Variants in ATP2C2 observed in about 807,000 individuals in gnomAD.
ATP2C2 encodes the protein calcium-transporting ATPase type 2C member 2.
ATP2C2 carries 171 observed loss-of-function variants against 110.8 expected under a neutral mutation model. The observed-to-expected ratio is 1.54, with a 90% CI of 1.36 to 1.75. The LOEUF is 1.75. Ranked by LOEUF, ATP2C2 falls within the 40% of genes most tolerant of loss-of-function variation. ATP2C2 has a pLI of 0.00. For synonymous variants in ATP2C2, 804 were observed against 508.4 expected (o/e 1.58, Z -7.82); for missense variants, 1,963 against 1,235.0 (o/e 1.59, Z -8.84).
rs910629607 is a variant in ATP2C2 at position 84,398,518 on chromosome 16, T to G, written c.119T>G (p.Leu40Arg). The change falls in exon 2 of 27, where the codon CTG (leucine) becomes CGG (arginine). Residue 40 changes from leucine (L) to arginine (R), a missense_variant. Coordinates refer to ENST00000262429, the MANE Select transcript of ATP2C2 (RefSeq NM_014861.4). ...TCACAGATTGATGAACAGAGTGAGC[T>G]GAAAGCCATCGAGAAAGAGAAGAAG... ...EEALIDEQSELKAIEKEKKVT... is the reference protein window; with the variant it reads ...EEALIDEQSERKAIEKEKKVT... 7 of 1,612,774 alleles carry G rather than the reference T, an allele frequency of 4.3e-6. No homozygotes were observed. Among genetic ancestry groups the G allele is most frequent in the African/African-American group, 2.7e-5 (2 of 74,768 alleles).
intron 6 of ATP2C2, among the ~76,000 whole-genome samples, chr16:84,412,534 CTGTGTGTGTATGCGTGTG>C (rs1273998127): frequency 2.4e-5 from 3 of 126,686 alleles, no homozygotes; most frequent in Non-Finnish European, 4.9e-5. Context: ...GTGCATGTGT[CTGTGTGTGTATGCGTGTG>C]TGTGTGTGTG....
chr16:84,410,096 C>G (rs906714350), intron 4 of ATP2C2, among the ~76,000 whole-genome samples: 1 of 152,060 alleles, frequency 6.6e-6, no homozygotes, highest in Non-Finnish European at 1.5e-5. Flanking sequence ...GTGGTCCCAG[C>G]TACTTGGGAG....
At chr16:84,376,620 C>G (rs1334569524) in intron 1 of ATP2C2, among the ~76,000 whole-genome samples, 1 of 151,934 alleles carries the variant, frequency 6.6e-6, no homozygotes, top group Non-Finnish European at 1.5e-5. Flanking sequence ...TCCAATGTGG[C>G]CCAGGGAAGC....
Position 84,439,494 on chromosome 16 carries a change from G to A in ATP2C2, c.1179G>A (p.Gln393=), listed in dbSNP as rs1399521693. 2 of 1,614,192 alleles carry A rather than the reference G, an allele frequency of 1.2e-6. No homozygotes were observed. The highest frequency in any genetic ancestry group is 3.3e-5 in the Admixed American group (2 of 60,028). ...TLTANEMTVT[Q]LVTSDGLRAE... is the part of the protein sequence containing the mutation. The stretch of plus-strand genomic sequence containing the variant: ...CTGCCAATGAAATGACAGTGACCCA[G>A]CTTGTAACGTCAGATGGGCTTCGTG... Residue 393 remains glutamine, a synonymous_variant, in exon 13 of 27, where the codon CAG becomes CAA. Coordinates refer to ENST00000262429, the MANE Select transcript of ATP2C2 (RefSeq NM_014861.4).
intron 2 of ATP2C2, among the ~76,000 whole-genome samples, chr16:84,400,978 A>G (rs1323383184): frequency 6.6e-6 from 1 of 152,224 alleles, no homozygotes; most frequent in African/African-American, 2.4e-5. Flanking sequence ...ATCCCGTGTC[A>G]GATGGGTAGT....
At chr16:84,404,237 T>C (rs940431479) in intron 2 of ATP2C2, among the ~76,000 whole-genome samples, 2 of 152,220 alleles carry the variant, frequency 1.3e-5, no homozygotes, top group Non-Finnish European at 2.9e-5. Flanking sequence ...GACCCTCTCA[T>C]GGGAGGGTCT....
chr16:84,438,873 C>A (rs247907), intron 11 of ATP2C2, among the ~76,000 whole-genome samples: 113,966 of 152,138 alleles, frequency 0.75, 43,124 homozygotes, highest in East Asian at 0.84. Context: ...AGAATAATGT[C>A]AATGCAAAAT....
chr16:84,402,224 A>C (rs1263464660), intron 2 of ATP2C2, among the ~76,000 whole-genome samples: 2 of 152,130 alleles, frequency 1.3e-5, no homozygotes, highest in East Asian at 3.8e-4. Flanking sequence ...CTTTAGGTGG[A>C]GTCTTTAGGT....
intron 11 of ATP2C2, among the ~76,000 whole-genome samples, chr16:84,429,899 C>T (rs185288967): frequency 6.6e-6 from 1 of 152,242 alleles, no homozygotes; most frequent in East Asian, 1.9e-4. Context: ...TTCTTGAAGA[C>T]CCTAGGGGGA....
chr16:84,376,437 A>G (rs1910253092), intron 1 of ATP2C2, among the ~76,000 whole-genome samples: 1 of 152,214 alleles, frequency 6.6e-6, no homozygotes, highest in African/African-American at 2.4e-5. Flanking sequence ...GGGTGAGTGT[A>G]GACCAAGTGT....
intron 1 of ATP2C2, among the ~76,000 whole-genome samples, chr16:84,383,668 C>T (rs887670595): frequency 6.6e-6 from 1 of 151,642 alleles, no homozygotes; most frequent in Non-Finnish European, 1.5e-5. Flanking sequence ...GCTGCATTGT[C>T]CTCAGCCTCA....
In ATP2C2 at chr16:84,459,629, C is replaced by T. The variant is rs1019956765; in HGVS notation, c.2333+243C>T. ...ACTTTCTGCTCCCTCTGCCTGGATG[C>T]TCTCTCTGGGCAACCTGCATGGCTC... On this transcript the variant is annotated intron_variant, in intron 23 of 26. Transcript: ENST00000262429. The T allele has an allele frequency of 5.3e-6, 8 of 1,505,038 alleles. No homozygotes were observed. In the African/African-American group the frequency reaches 1.1e-4, roughly 21 times the overall value. The allele number at this position is 1,505,038 out of a possible 1,614,324, so 93.2% of individuals were successfully genotyped here.
At chr16:84,405,618 C>T (rs1905697259) in intron 3 of ATP2C2, among the ~76,000 whole-genome samples, 1 of 151,858 alleles carries the variant, frequency 6.6e-6, no homozygotes, top group South Asian at 2.1e-4. Flanking sequence ...TATAGGATGC[C>T]CTGTTAAATT....
At chr16:84,405,395 C>T (rs1905673939) in intron 3 of ATP2C2, 151 bp downstream of exon 3, 1 of 671,308 alleles carries the variant, frequency 1.5e-6, no homozygotes, top group Non-Finnish European at 2.5e-6. Flanking sequence ...CAGTCATGAG[C>T]AAATCACCAA....
intron 17 of ATP2C2, among the ~76,000 whole-genome samples, chr16:84,449,942 G>A (rs1488817319): frequency 6.6e-6 from 1 of 152,224 alleles, no homozygotes; most frequent in African/African-American, 2.4e-5. Flanking sequence ...CAGGTTAAGT[G>A]CCTGTGTGAG....
chr16:84,427,023 C>G (rs991952543), intron 11 of ATP2C2, among the ~76,000 whole-genome samples: 8 of 152,168 alleles, frequency 5.3e-5, no homozygotes, highest in Non-Finnish European at 8.8e-5. Context: ...TTGTCACTAA[C>G]TGGGTATGTC....
intron 4 of ATP2C2, among the ~76,000 whole-genome samples, chr16:84,410,007 G>A (rs951213686): frequency 1.1e-4 from 16 of 152,082 alleles, no homozygotes; most frequent in Non-Finnish European, 1.9e-4. Flanking sequence ...AGGAGATCGA[G>A]ACCATCCTGG....
chr16:84,399,590 G>C (rs956511506), intron 2 of ATP2C2, among the ~76,000 whole-genome samples: 37 of 152,258 alleles, frequency 2.4e-4, no homozygotes, highest in African/African-American at 8.4e-4. Flanking sequence ...ATGGAGTTGG[G>C]CACAATATAA....
At chr16:84,423,896 A>G (rs1275602483) in intron 10 of ATP2C2, among the ~76,000 whole-genome samples, 1 of 152,180 alleles carries the variant, frequency 6.6e-6, no homozygotes, top group Non-Finnish European at 1.5e-5. Flanking sequence ...CAGCATTGAC[A>G]TGATGCTGCG....
Sources: gnomAD v4.1 joint callset for allele counts (sites outside exome capture counted in the v4.1 genomes callset) on GRCh38, gnomAD v4.1.1 for gene constraint, MANE v1.5 for transcripts, NCBI Gene and HGNC (gene_info 2026-07-23, HGNC 2026-07-21) for gene names.